Variants in MUC6 observed in about 807,000 individuals in gnomAD.
The protein encoded by MUC6 is mucin 6, oligomeric mucus/gel-forming (gene/pseudogene).
In MUC6, 188 loss-of-function variants were observed where a neutral mutation model predicts 201.5. The observed-to-expected ratio is 0.93, with a 90% CI of 0.83 to 1.05. The LOEUF (loss-of-function observed/expected upper bound fraction) is 1.05, where lower values mean the gene tolerates loss of function less well. Among genes scored for constraint, MUC6 ranks in the 50% least tolerant of loss-of-function variants. The pLI, the probability that MUC6 is intolerant of heterozygous loss-of-function variation, is 0.00. For missense variants in MUC6, 2,706 were observed against 3,256.9 expected (o/e 0.83, Z 4.12); for synonymous variants, 1,228 against 1,389.4 (o/e 0.88, Z 2.58).
At chr11:1,019,763 T>A in intron 29 of MUC6, 1 of 615,796 alleles carries the variant, frequency 1.6e-6, no homozygotes, top group African/African-American at 1.8e-5. Context: ...TGTCGTCCTG[T>A]CCCCTCCAGG....
In MUC6 at chr11:1,018,095, G is replaced by C; in HGVS notation, c.4706C>G (p.Pro1569Arg). 2 of 1,366,448 alleles carry C rather than the reference G, an allele frequency of 1.5e-6. No homozygotes were observed. Among genetic ancestry groups the C allele is most frequent in the Non-Finnish European group, 2.0e-6 (2 of 1,016,532 alleles). The allele number at this position is 1,366,448 out of a possible 1,614,324, so 84.6% of individuals were successfully genotyped here. Residue 1569 changes from proline (P) to arginine (R), a missense_variant, in exon 31 of 33, where the codon CCA (proline) becomes CGA (arginine). Transcript: ENST00000421673. ...AHTNSATSSR[P>R]PPPFTTHSPP... ...GGAGTGTGTGGTGAAGGGTGGTGGTGGCCTGCTGCTGGTGGCTGAGTTGGT... is the reference window on the plus strand; with the variant it reads ...GGAGTGTGTGGTGAAGGGTGGTGGTCGCCTGCTGCTGGTGGCTGAGTTGGT...
Position 1,025,244 on chromosome 11 carries a change from T to C in MUC6, c.2923A>G (p.Asn975Asp). 1 of 1,612,814 alleles carries C rather than the reference T, an allele frequency of 6.2e-7. No homozygotes were observed. The highest frequency in any genetic ancestry group is 1.7e-4 in the Middle Eastern group (1 of 6,060). ...VVDISIPGRYNLTLIWNRHMT... is the reference protein window; with the variant it reads ...VVDISIPGRYDLTLIWNRHMT... ...TGCCTGTTCCAGATGAGCGTCAGGTTGTACCTCCCGGGGATGCTGATGTCC... is the reference window on the plus strand; with the variant it reads ...TGCCTGTTCCAGATGAGCGTCAGGTCGTACCTCCCGGGGATGCTGATGTCC... The change falls in exon 23 of 33, where the codon AAC becomes GAC. Residue 975 changes from asparagine (N) to aspartate (D), a missense_variant. By Grantham distance (23) the Asn-to-Asp change is conservative. This residue lies in a region of MUC6 where 1,850 missense variants were observed against 1,958.3 expected (regional missense o/e 0.94). Transcript: ENST00000421673.
intron 5 of MUC6, 23 bp from the exon 6 acceptor site, chr11:1,031,079 G>A: frequency 6.4e-7 from 1 of 1,550,634 alleles, no homozygotes; most frequent in South Asian, 1.2e-5. Flanking sequence ...ATGGGGGTCA[G>A]CACCGTGGGG....
chr11:1,031,505 T>A, intron 4 of MUC6, 102 bp downstream of exon 4: 1 of 1,492,198 alleles, frequency 6.7e-7, no homozygotes, highest in Non-Finnish European at 8.9e-7. Context: ...CATGGCAGCC[T>A]GAGGGCTGGC....
chr11:1,021,152 G>A (rs1465893900), intron 27 of MUC6, 63 bp downstream of exon 27: 2 of 1,435,790 alleles, frequency 1.4e-6, no homozygotes, highest in Non-Finnish European at 1.9e-6. Context: ...TGTGGGATGT[G>A]GACGTGCGTT....
intron 32 of MUC6, 122 bp from the exon 33 acceptor site, chr11:1,013,755 G>A: frequency 2.1e-6 from 3 of 1,399,710 alleles, no homozygotes; most frequent in Non-Finnish European, 2.9e-6. Flanking sequence ...GCTCACAGGG[G>A]CCAGGGCGGT....
At chr11:1,021,832 G>A (rs542196295) in intron 26 of MUC6, among the ~76,000 whole-genome samples, 2 of 151,984 alleles carry the variant, frequency 1.3e-5, no homozygotes, top group South Asian at 4.2e-4. Context: ...GCCCTGCATT[G>A]CCCTCCTGAG....
chr11:1,028,865 G>T, intron 12 of MUC6, 24 bp downstream of exon 12: 2 of 1,610,984 alleles, frequency 1.2e-6, no homozygotes, highest in East Asian at 2.2e-5. Flanking sequence ...ACTCTGGGGG[G>T]CCACAGACTG....
rs1856931284 is a variant in MUC6, at chr11:1,025,375, G to A, written c.2800-8C>T. On this transcript the variant is annotated splice_polypyrimidine_tract_variant and splice_region_variant and intron_variant, in intron 22 of 32. Coordinates refer to ENST00000421673, the MANE Select transcript of MUC6 (RefSeq NM_005961.3). The stretch of plus-strand genomic sequence containing the variant: ...CAGCACCACGGACAGGCCCTGTGGG[G>A]TGGGGTTGGCATAGGACTGCCTGTC... 3.7e-6 allele frequency: 6 copies of A among 1,606,216 alleles called. No homozygotes were observed. Among genetic ancestry groups the A allele is most frequent in the Non-Finnish European group, 3.4e-6 (4 of 1,175,720 alleles).
chr11:1,026,465 C>T lies in MUC6; in HGVS notation c.2408G>A (p.Cys803Tyr). The change falls in exon 20 of 33, where the codon TGT becomes TAT. Residue 803 changes from cysteine to tyrosine, a missense_variant. Coordinates refer to ENST00000421673, the MANE Select transcript of MUC6 (RefSeq NM_005961.3). ...CTCGGCGCAGACACAGCCAGGCTCA[C>T]ACTTGGTGGGCACCTGGAGGGAGGC... ...ATGVACVPTK[C>Y]EPGCVCAEGL... The T allele has an allele frequency of 6.3e-7, 1 of 1,594,550 alleles. No individual in the cohort carries two copies. The highest frequency in any genetic ancestry group is 8.5e-7 in the Non-Finnish European group (1 of 1,171,916).
chr11:1,032,687 TTGTC>T lies in MUC6; in HGVS notation c.115+322_115+325del, dbSNP rs1352260264. 1.1e-3 allele frequency among the ~76,000 whole-genome samples: 158 copies of T among 148,864 alleles called. 2 individuals carry two copies. Among genetic ancestry groups the T allele is most frequent in the African/African-American group, 3.6e-3 (147 of 40,320 alleles). On this transcript the variant is annotated intron_variant, in intron 2 of 32. Transcript: ENST00000421673. The stretch of plus-strand genomic sequence containing the variant: ...GGGTGTTGGGTGTGTGTGCATGTGT[TTGTC>T]AGGTGTGTTTGTGTGTAGGTTGTGT...
Position 1,024,001 on chromosome 11 carries a change from G to T in MUC6, c.3328C>A (p.Gln1110Lys), listed in dbSNP as rs1425312769. 2 of 1,612,338 alleles carry T rather than the reference G, an allele frequency of 1.2e-6. No individual in the cohort carries two copies. Among genetic ancestry groups the T allele is most frequent in the Non-Finnish European group, 1.7e-6 (2 of 1,179,638 alleles). ...CACACACCCTTGTCCAGACAGGCTT[G>T]GGCGTAGGCAGCCACGGCATCGCAC... ...CLCDAVAAYAQACLDKGVCVD... is the reference protein window; with the variant it reads ...CLCDAVAAYAKACLDKGVCVD... The change falls in exon 25 of 33, where the codon CAA becomes AAA. Residue 1110 changes from glutamine to lysine, a missense_variant. This residue lies in a region of MUC6 where 1,850 missense variants were observed against 1,958.3 expected (regional missense o/e 0.94). Coordinates refer to ENST00000421673, the MANE Select transcript of MUC6 (RefSeq NM_005961.3).
chr11:1,014,380 C>T (rs911540417), intron 31 of MUC6, among the ~76,000 whole-genome samples: 1 of 152,232 alleles, frequency 6.6e-6, no homozygotes, highest in African/African-American at 2.4e-5. Context: ...GACCCAGGAC[C>T]TGCAGGGGGG....
rs187272036 is a variant in MUC6, at chr11:1,019,490, G to C, written c.3815C>G (p.Pro1272Arg). 1,526 of 1,613,534 alleles carry C rather than the reference G, an allele frequency of 9.5e-4. 11 individuals are homozygous for C. In the African/African-American group the frequency reaches 0.019, roughly 20 times the overall value. The change falls in exon 30 of 33, where the codon CCT becomes CGT. Residue 1272 changes from proline to arginine, a missense_variant. Pro to Arg is a moderately radical substitution (Grantham distance 103). Transcript: ENST00000421673. Reference sequence around the variant, plus strand: ...TGGGGTGACGGCCGTGGTTGGTCTAGGTGGTTCTGCAGAGGACAGCCGCCC... The same window carrying C: ...TGGGGTGACGGCCGTGGTTGGTCTACGTGGTTCTGCAGAGGACAGCCGCCC... ...SKPTASSGEPPRPTTAVTPQA... is the reference protein window; with the variant it reads ...SKPTASSGEPRRPTTAVTPQA...
Position 1,028,077 on chromosome 11 carries a change from G to A in MUC6, c.1754-18C>T, listed in dbSNP as rs758869880. The A allele has an allele frequency of 5.1e-6, 8 of 1,558,332 alleles. No individual in the cohort carries two copies. The highest frequency in any genetic ancestry group is 3.4e-4 in the Middle Eastern group (2 of 5,962). On this transcript the variant is annotated intron_variant, in intron 14 of 32. Transcript: ENST00000421673. The stretch of plus-strand genomic sequence containing the variant: ...ACACACCTCTGGGGATGACAGGCCC[G>A]GGCGTGAGTCCCGGCCCCTCCCATT...
rs1590033090 is a variant in MUC6, at chr11:1,013,430, C to T, written c.*26G>A. Reference sequence around the variant, plus strand: ...CTGTCTGTCATCTGCAGTCCTTCAGCCCCAGGAGAGCAGGCAGCGACCCTG... The same window carrying T: ...CTGTCTGTCATCTGCAGTCCTTCAGTCCCAGGAGAGCAGGCAGCGACCCTG... On this transcript the variant is annotated 3_prime_UTR_variant, in exon 33 of 33. Transcript: ENST00000421673. 3.2e-6 allele frequency: 5 copies of T among 1,552,686 alleles called. No individual in the cohort carries two copies. In the East Asian group the frequency reaches 9.6e-5, roughly 30 times the overall value.
intron 24 of MUC6, among the ~76,000 whole-genome samples, chr11:1,024,375 C>T (rs924697478): frequency 2.6e-5 from 4 of 152,248 alleles, no homozygotes; most frequent in Non-Finnish European, 5.9e-5. Flanking sequence ...TGCAGTCCCA[C>T]CCAGGGTCTC....
Position 1,018,777 on chromosome 11 carries a change from G to A in MUC6, c.4031-7C>T, listed in dbSNP as rs745604846. ...TCCTGATTGGTCGATTTTGCTGTGG[G>A]AATTGGTGAAGTTGTCATCGTTATT... On this transcript the variant is annotated splice_region_variant and splice_polypyrimidine_tract_variant and intron_variant, in intron 30 of 32. Coordinates refer to ENST00000421673, the MANE Select transcript of MUC6 (RefSeq NM_005961.3). 1.9e-6 allele frequency: 3 copies of A among 1,552,384 alleles called. No homozygotes were observed. The highest frequency in any genetic ancestry group is 1.4e-5 in the African/African-American group (1 of 71,984).
In MUC6 at chr11:1,027,257, C is replaced by T. The variant is rs367690626; in HGVS notation, c.2231+11G>A. ...AGGGACCCCCCGCCTGGCCCCTGCC[C>T]GGTCCCTCACCAGGTGATGCCGTTG... On this transcript the variant is annotated intron_variant, in intron 17 of 32. Transcript: ENST00000421673. 2.0e-5 allele frequency: 33 copies of T among 1,611,944 alleles called. No homozygotes were observed. The highest frequency in any genetic ancestry group is 6.7e-5 in the African/African-American group (5 of 74,912).
Sources: allele counts gnomAD v4.1 joint callset (sites outside exome capture counted in the v4.1 genomes callset), GRCh38; gene constraint gnomAD v4.1.1; regional missense constraint gnomAD v4.1.1; transcripts MANE v1.5; gene names NCBI Gene and HGNC (gene_info 2026-07-23, HGNC 2026-07-21).